The following LRP5 variants were observed in gnomAD, a reference collection of about 807,000 sequenced individuals.
LRP5 encodes the protein low-density lipoprotein receptor-related protein 5.
LRP5 carries 62 observed loss-of-function variants against 154.1 expected under a neutral mutation model. That is an observed-to-expected ratio of 0.40 (90% CI 0.33 to 0.50). The LOEUF (loss-of-function observed/expected upper bound fraction) is 0.50. LRP5 is among the 20% of genes least tolerant of loss of function. The pLI is 0.55. For synonymous variants in LRP5, 966 were observed against 1,011.5 expected, an observed-to-expected ratio of 0.96 and a Z score of 0.85; for missense variants, 1,915 against 2,336.7, an observed-to-expected ratio of 0.82 and a Z score of 3.72.
At chr11:68,389,329 G>A (rs2153154887) in intron 6 of LRP5, among the ~76,000 whole-genome samples, 1 of 151,810 alleles carries the variant, frequency 6.6e-6, no homozygotes, top group African/African-American at 2.4e-5. Flanking sequence ...GACATCTACT[G>A]ACACTGGCAT....
chr11:68,343,501 G>A (rs1465407494), intron 1 of LRP5, among the ~76,000 whole-genome samples: 1 of 152,140 alleles, frequency 6.6e-6, no homozygotes, highest in African/African-American at 2.4e-5. Context: ...CAAGCTGGGG[G>A]CCCTCGCCAC....
At chr11:68,377,691 C>G (rs1056862693) in intron 5 of LRP5, among the ~76,000 whole-genome samples, 5 of 152,232 alleles carry the variant, frequency 3.3e-5, no homozygotes, top group African/African-American at 7.2e-5. Context: ...GGACAGTGGC[C>G]TGCACCGTGA....
chr11:68,312,798 C>A lies in LRP5; in HGVS notation c.84C>A (p.Pro28=). 1 of 1,076,738 alleles carries A rather than the reference C, an allele frequency of 9.3e-7. No homozygotes were observed. Among genetic ancestry groups the A allele is most frequent in the African/African-American group, 1.7e-5 (1 of 58,104 alleles). The allele number at this position is 1,076,738 out of a possible 1,614,324, so 66.7% of individuals were successfully genotyped here. ...TGGCGCTGTGCGGCTGCCCGGCCCC[C>A]GCCGCGGGTAGGTGGGCGCAGGCCG... ...LLLALCGCPA[P]AAASPLLLFA... Residue 28 remains proline (P), a synonymous_variant, in exon 1 of 23, where the codon CCC becomes CCA. Coordinates refer to ENST00000294304, the MANE Select transcript of LRP5 (RefSeq NM_002335.4).
chr11:68,299,386 CTAG>C, the LRP5 span, among the ~76,000 whole-genome samples: 1 of 152,130 alleles, frequency 6.6e-6, no homozygotes, highest in Non-Finnish European at 1.5e-5. Context: ...GCTGCAGAAT[CTAG>C]AAGACAGATG....
chr11:68,427,961 TTTTATTTTATTTTTTTTATTTA>T (rs756800388), intron 16 of LRP5, among the ~76,000 whole-genome samples: 1,404 of 75,312 alleles, frequency 0.019, 19 homozygotes, highest in Middle Eastern at 0.11. Context: ...TTTTATTTTA[TTTTATTTTATTTTTTTTATTTA>T]TTTATTTATT....
Position 68,386,842 on chromosome 11 carries a change from C to A in LRP5, c.1412+130C>A. The stretch of plus-strand genomic sequence containing the variant: ...ACCCGGAGGAGGGCTTGTTAAAACA[C>A]CGGCAGCTGGGCCCCACCCCCAGAG... On this transcript the variant is annotated intron_variant, in intron 6 of 22. Coordinates refer to ENST00000294304, the MANE Select transcript of LRP5 (RefSeq NM_002335.4). This position sits in a 1 kb window ranked among gnomAD's most constrained non-coding sequence, Gnocchi z 7.9. 1.8e-6 allele frequency: 2 copies of A among 1,116,988 alleles called. No individual in the cohort carries two copies. The highest frequency in any genetic ancestry group is 1.2e-6 in the Non-Finnish European group (1 of 805,132). 69.2% of individuals were successfully genotyped at this position (1,116,988 alleles called of 1,614,324 possible).
At chr11:68,441,960 A>C (rs1195864224) in intron 21 of LRP5, among the ~76,000 whole-genome samples, 2 of 152,264 alleles carry the variant, frequency 1.3e-5, no homozygotes, top group Non-Finnish European at 2.9e-5. Context: ...CAAAAGATAC[A>C]GAAGAGTCTG....
At chr11:68,300,061 TC>T in the LRP5 span, among the ~76,000 whole-genome samples, 5,921 of 144,474 alleles carry the variant, frequency 0.041, 456 homozygotes, top group African/African-American at 0.14. Flanking sequence ...TTTTTTTTTT[TC>T]AGTAGATACA....
At chr11:68,349,863 C>A (rs902118317) in intron 2 of LRP5, among the ~76,000 whole-genome samples, 2 of 152,156 alleles carry the variant, frequency 1.3e-5, no homozygotes, top group African/African-American at 4.8e-5. Context: ...CACACCCTTA[C>A]CTGGGCTGTG....
intron 5 of LRP5, among the ~76,000 whole-genome samples, chr11:68,373,968 G>A (rs1418887621): frequency 6.6e-6 from 1 of 152,194 alleles, no homozygotes. Context: ...GTGGCTCTCA[G>A]AGCTATGTCC....
chr11:68,370,254 T>G (rs2098633294), intron 5 of LRP5, among the ~76,000 whole-genome samples: 1 of 152,146 alleles, frequency 6.6e-6, no homozygotes, highest in Non-Finnish European at 1.5e-5. Flanking sequence ...GCTGAGCCCT[T>G]CAAGGGCATT....
chr11:68,443,573 ATATATATATATATTT>A (rs1229058731), intron 21 of LRP5, among the ~76,000 whole-genome samples: 1 of 43,550 alleles, frequency 2.3e-5, no homozygotes, highest in African/African-American at 1.2e-4. Flanking sequence ...ATATATATAT[ATATATATATATATTT>A]TTTTTTTTTT....
intron 7 of LRP5, among the ~76,000 whole-genome samples, chr11:68,392,737 G>T (rs1193193979): frequency 6.6e-6 from 1 of 152,110 alleles, no homozygotes; most frequent in African/African-American, 2.4e-5. Flanking sequence ...GACGTTTTGT[G>T]TGACTGGAAT....
intron 15 of LRP5, 96 bp downstream of exon 15, chr11:68,425,388 CA>C (rs1565103060): frequency 3.9e-6 from 5 of 1,280,518 alleles, no homozygotes; most frequent in Non-Finnish European, 5.4e-6. Context: ...GCCGTGAGCC[CA>C]GTGCCGCGCC....
chr11:68,361,813 C>A lies in LRP5; in HGVS notation c.687-1934C>A, dbSNP rs140278193. Among the ~76,000 whole-genome samples, 1,077 of 152,208 alleles carry A rather than the reference C, an allele frequency of 7.1e-3. 12 individuals carry two copies. The highest frequency in any genetic ancestry group is 0.025 in the African/African-American group (1,035 of 41,524). On this transcript the variant is annotated intron_variant, in intron 3 of 22. Transcript: ENST00000294304. The stretch of plus-strand genomic sequence containing the variant: ...CTCCAGCCTGGGTGACAGAGCAAGA[C>A]CCTGTCTCAGAAAACAAACAAAAAA...
At chr11:68,333,193 G>A (rs997247676) in intron 1 of LRP5, among the ~76,000 whole-genome samples, 18 of 152,314 alleles carry the variant, frequency 1.2e-4, no homozygotes, top group Admixed American at 5.9e-4. Flanking sequence ...GCAGGTAATT[G>A]AAACGTGGAT....
At chr11:68,318,991 C>T (rs2098595113) in intron 1 of LRP5, among the ~76,000 whole-genome samples, 1 of 152,054 alleles carries the variant, frequency 6.6e-6, no homozygotes, top group African/African-American at 2.4e-5. Context: ...CCTGAGGCCT[C>T]TGGATCGCTA....
At chr11:68,420,285 T>C (rs575010112) in intron 13 of LRP5, among the ~76,000 whole-genome samples, 26 of 152,320 alleles carry the variant, frequency 1.7e-4, no homozygotes, top group African/African-American at 6.0e-4. Flanking sequence ...AGGTACCTCA[T>C]GTAAGTGGAA....
chr11:68,363,582 G>A (rs559117982), intron 3 of LRP5, among the ~76,000 whole-genome samples, 165 bp from the exon 4 acceptor site: 5 of 152,008 alleles, frequency 3.3e-5, no homozygotes, highest in African/African-American at 1.2e-4. Flanking sequence ...GCTTGAACCC[G>A]GGAGGCGGAG....
Sources: gnomAD v4.1 joint callset for allele counts (sites outside exome capture counted in the v4.1 genomes callset) on GRCh38, gnomAD v4.1.1 for gene constraint, Gnocchi (gnomAD v3.1) non-coding constraint, MANE v1.5 for transcripts, NCBI Gene and HGNC (gene_info 2026-07-23, HGNC 2026-07-21) for gene names.